ITPR1: variants seen among roughly 807,000 people sequenced by gnomAD.
The protein encoded by ITPR1 is inositol 1,4,5-trisphosphate receptor type 1.
In ITPR1, 96 loss-of-function variants were observed where a neutral mutation model predicts 318.4. The observed-to-expected ratio is 0.30, with a 90% CI of 0.26 to 0.36. The LOEUF (loss-of-function observed/expected upper bound fraction) is 0.36. Among genes scored for constraint, ITPR1 ranks in the 10% least tolerant of loss-of-function variants. The pLI, the probability that ITPR1 is intolerant of heterozygous loss-of-function variation, is 1.00. For missense variants in ITPR1, 2,440 were observed against 3,460.2 expected (o/e 0.71, Z 7.40); for synonymous variants, 1,312 against 1,289.9 (o/e 1.02, Z -0.37).
chr3:4,493,789 C>T (rs994662205), intron 1 of ITPR1, among the ~76,000 whole-genome samples, 184 bp downstream of exon 1: 8 of 152,138 alleles, frequency 5.3e-5, no homozygotes, highest in African/African-American at 1.9e-4. Flanking sequence ...AAACAAATAT[C>T]CTCTACTCTA....
intron 4 of ITPR1, among the ~76,000 whole-genome samples, chr3:4,529,513 G>A (rs181910097): frequency 6.6e-6 from 1 of 152,308 alleles, no homozygotes; most frequent in African/African-American, 2.4e-5. Flanking sequence ...ATGAAGATGT[G>A]TGGTGAATCA....
intron 4 of ITPR1, among the ~76,000 whole-genome samples, chr3:4,591,657 T>C (rs901382015): frequency 2.0e-4 from 30 of 152,164 alleles, no homozygotes; most frequent in African/African-American, 6.8e-4. Flanking sequence ...TTGCCTTGAA[T>C]TGGTTTTGCT....
Position 4,788,045 on chromosome 3 carries a change from T to A in ITPR1, c.6714T>A (p.Thr2238=). ...AGTCAAAACTACGAATTTACTATACTACAGAGAGAGACGAACAAGGCAGCA... is the reference window on the plus strand; with the variant it reads ...AGTCAAAACTACGAATTTACTATACAACAGAGAGAGACGAACAAGGCAGCA... The part of the protein sequence containing the change: ...TKESKLRIYY[T]TERDEQGSKI... Residue 2238 remains threonine (T), a synonymous_variant, in exon 52 of 62, where the codon ACT becomes ACA. Transcript: ENST00000649015. The A allele has an allele frequency of 6.2e-7, 1 of 1,612,916 alleles. No individual in the cohort carries two copies. The highest frequency in any genetic ancestry group is 8.5e-7 in the Non-Finnish European group (1 of 1,179,378).
At chr3:4,828,090 C>T (rs1296396990) in intron 60 of ITPR1, among the ~76,000 whole-genome samples, 6 of 151,946 alleles carry the variant, frequency 3.9e-5, no homozygotes, top group Non-Finnish European at 8.8e-5. Context: ...AACGTGGTTG[C>T]GTTGAAGCAG....
chr3:4,806,093 T>C lies in ITPR1; in HGVS notation c.7108-10T>C, dbSNP rs2048536590. Reference sequence around the variant, plus strand: ...CCGTGCCATCTGACTGTTCCTGTCATTGTTCTCAGGTATGCAATAAAATCA... The same window carrying C: ...CCGTGCCATCTGACTGTTCCTGTCACTGTTCTCAGGTATGCAATAAAATCA... On this transcript the variant is annotated splice_polypyrimidine_tract_variant and intron_variant, in intron 54 of 61. Transcript: ENST00000649015. 6.2e-7 allele frequency: 1 copy of C among 1,610,690 alleles called. No individual in the cohort carries two copies. The highest frequency in any genetic ancestry group is 8.5e-7 in the Non-Finnish European group (1 of 1,177,664).
At chr3:4,614,908 A>G (rs2092323572) in intron 4 of ITPR1, among the ~76,000 whole-genome samples, 1 of 152,200 alleles carries the variant, frequency 6.6e-6, no homozygotes. Flanking sequence ...TTTCATTCCC[A>G]GCAGAGCACA....
intron 35 of ITPR1, among the ~76,000 whole-genome samples, chr3:4,701,614 G>T (rs901621344): frequency 2.0e-5 from 3 of 152,210 alleles, no homozygotes; most frequent in African/African-American, 7.2e-5. Flanking sequence ...GAGCATGGAG[G>T]TTTGCCATCA....
chr3:4,766,956 G>A (rs576718511), intron 45 of ITPR1, among the ~76,000 whole-genome samples: 1 of 152,298 alleles, frequency 6.6e-6, no homozygotes, highest in East Asian at 1.9e-4. Context: ...TATTGGCAAG[G>A]GATCCATGAA....
At chr3:4,736,113 T>C (rs932998809) in intron 44 of ITPR1, among the ~76,000 whole-genome samples, 1 of 150,744 alleles carries the variant, frequency 6.6e-6, no homozygotes, top group African/African-American at 2.4e-5. Context: ...CTTTATGCAC[T>C]CTTCCTTCTT....
At position 4,635,363 on chromosome 3, in the gene ITPR1, C is replaced by T. The variant is rs532231420; in HGVS notation, c.280-4021C>T. Reference sequence around the variant, plus strand: ...TATCTTTCTTTTTTTGTGGTGGGGACGGAGTCTCACTCTGTCGCCCAGGCT... The same window carrying T: ...TATCTTTCTTTTTTTGTGGTGGGGATGGAGTCTCACTCTGTCGCCCAGGCT... On this transcript the variant is annotated intron_variant, in intron 5 of 61. Transcript: ENST00000649015. 4.6e-5 allele frequency among the ~76,000 whole-genome samples: 7 copies of T among 152,090 alleles called. No individual in the cohort carries two copies. The South Asian group carries it at 6.2e-4, about 14-fold the overall frequency.
chr3:4,765,921 G>A (rs2045787790), intron 44 of ITPR1, among the ~76,000 whole-genome samples: 1 of 152,138 alleles, frequency 6.6e-6, no homozygotes, highest in Admixed American at 6.5e-5. Flanking sequence ...ATTTGAAGAT[G>A]ACCTTTTTCT....
At chr3:4,499,647 A>AT (rs1392197533) in intron 2 of ITPR1, among the ~76,000 whole-genome samples, 7 of 151,918 alleles carry the variant, frequency 4.6e-5, no homozygotes, top group East Asian at 1.9e-4. Context: ...TTTTCCATGC[A>AT]TTTTTTTTGT....
At chr3:4,516,639 G>T in intron 3 of ITPR1, 56 bp downstream of exon 3, 1 of 1,034,582 alleles carries the variant, frequency 9.7e-7, no homozygotes. Context: ...CATAACATCA[G>T]CTTAAAACTG....
At chr3:4,800,727 A>T in intron 54 of ITPR1, 127 bp downstream of exon 54, 1 of 968,884 alleles carries the variant, frequency 1.0e-6, no homozygotes, top group South Asian at 1.6e-5. Context: ...CAACTGTTTA[A>T]ATAGCCAGAA....
intron 44 of ITPR1, among the ~76,000 whole-genome samples, chr3:4,742,656 G>T (rs2125331564): frequency 6.6e-6 from 1 of 152,312 alleles, no homozygotes; most frequent in East Asian, 1.9e-4. Context: ...ATAGGGTCTT[G>T]CTATGTTGCT....
intron 60 of ITPR1, chr3:4,825,672 A>G (rs1212508178): frequency 2.2e-6 from 1 of 453,732 alleles, no homozygotes; most frequent in African/African-American, 2.0e-5. Flanking sequence ...AACAAGGGCA[A>G]AAGATCAAAA....
In ITPR1 at chr3:4,673,281, C is replaced by T. The variant is rs773602565; in HGVS notation, c.2350C>T (p.Arg784Cys). The part of the protein sequence containing the change: ...LPYDLRASFC[R>C]LMLHMHVDRD... ...CTATGACCTCAGGGCGTCCTTCTGC[C>T]GCCTCATGCTTCACATGCATGTGGA... Residue 784 changes from arginine to cysteine, a missense_variant, in exon 21 of 62, where the codon CGC (arginine) becomes TGC (cysteine). Coordinates refer to ENST00000649015, the MANE Select transcript of ITPR1 (RefSeq NM_001378452.1). 8.1e-6 allele frequency: 13 copies of T among 1,613,856 alleles called. No individual in the cohort carries two copies. Among genetic ancestry groups the T allele is most frequent in the East Asian group, 2.2e-5 (1 of 44,878 alleles).
intron 10 of ITPR1, among the ~76,000 whole-genome samples, chr3:4,646,235 G>A (rs1342302682): frequency 6.6e-6 from 1 of 152,244 alleles, no homozygotes; most frequent in African/African-American, 2.4e-5. Flanking sequence ...AGGGGATGGT[G>A]AAGGTGGTAA....
intron 4 of ITPR1, among the ~76,000 whole-genome samples, chr3:4,561,558 T>G (rs2086677965): frequency 6.6e-6 from 1 of 152,156 alleles, no homozygotes; most frequent in African/African-American, 2.4e-5. Context: ...TTGGGTCCAA[T>G]GCTCAATATA....
Sources: allele counts gnomAD v4.1 joint callset (sites outside exome capture counted in the v4.1 genomes callset), GRCh38; gene constraint gnomAD v4.1.1; transcripts MANE v1.5; gene names NCBI Gene and HGNC (gene_info 2026-07-23, HGNC 2026-07-21).